The following AMPD2 variants were observed in gnomAD, a reference collection of about 807,000 sequenced individuals.
AMPD2 encodes the protein AMP deaminase 2.
AMPD2 carries 52 observed loss-of-function variants against 91.3 expected under a neutral mutation model. That is an observed-to-expected ratio of 0.57 (90% CI 0.46 to 0.72). The LOEUF is 0.72. Ranked by LOEUF, AMPD2 falls within the 30% of genes least tolerant of loss-of-function variation. The probability of loss-of-function intolerance (pLI) is 0.00; values close to 1 mark genes in which losing one functional copy is unlikely to be tolerated. For synonymous variants in AMPD2, 455 were observed against 456.4 expected (o/e 1.00, Z 0.04); for missense variants, 822 against 1,122.3 (o/e 0.73, Z 3.82).
At chr1:109,627,563 A>G (rs971157966) in intron 9 of AMPD2, 45 bp downstream of exon 9, 2 of 1,607,052 alleles carry the variant, frequency 1.2e-6, no homozygotes. Flanking sequence ...CTCCCAGCCC[A>G]GATTCTCCAG....
intron 8 of AMPD2, 48 bp from the exon 9 acceptor site, chr1:109,627,381 C>G: frequency 6.2e-7 from 1 of 1,613,770 alleles, no homozygotes; most frequent in Non-Finnish European, 8.5e-7. Context: ...TTGGGAGAGG[C>G]CACAGGGCTC....
rs1286616242 is a variant in AMPD2, at chr1:109,628,821, A to T, written c.1571+15A>T. 1 of 1,551,820 alleles carries T rather than the reference A, an allele frequency of 6.4e-7. No homozygotes were observed. The highest frequency in any genetic ancestry group is 1.4e-5 in the African/African-American group (1 of 73,132). ...CCCCGCCTCTTGTGAGTGTCCCTGG[A>T]GTGGGAGGGGAACCTGCGGGGTCAT... On this transcript the variant is annotated intron_variant, in intron 13 of 18. Coordinates refer to ENST00000528667, the MANE Select transcript of AMPD2 (RefSeq NM_001368809.2). The surrounding 1 kb of genome is among the most constrained non-coding windows in gnomAD (Gnocchi z 7.1).
Position 109,630,316 on chromosome 1 carries a change from C to G in AMPD2, c.2067C>G (p.Ser689Arg). Reference sequence around the variant, plus strand: ...TCAGCAACAACAGCCTCTTCCTCAGCTATCACCGGAATCCGCTACCGGAGT... The same window carrying G: ...TCAGCAACAACAGCCTCTTCCTCAGGTATCACCGGAATCCGCTACCGGAGT... ...SPLSNNSLFL[S>R]YHRNPLPEYL... Residue 689 changes from serine to arginine, a missense_variant, in exon 17 of 19, where the codon AGC becomes AGG. Ser to Arg is a moderately radical substitution (Grantham distance 110, BLOSUM62 -1). Around this residue, in one of 5 missense-constraint regions of AMPD2, gnomAD observed 430 missense variants for 606.0 expected, o/e 0.71. Coordinates refer to ENST00000528667, the MANE Select transcript of AMPD2 (RefSeq NM_001368809.2). The G allele has an allele frequency of 6.2e-7, 1 of 1,614,050 alleles. No homozygotes were observed. Among genetic ancestry groups the G allele is most frequent in the South Asian group, 1.1e-5 (1 of 91,082 alleles).
chr1:109,629,426 C>G lies in AMPD2; in HGVS notation c.1798C>G (p.Pro600Ala). 1 of 1,614,054 alleles carries G rather than the reference C, an allele frequency of 6.2e-7. No homozygotes were observed. Among genetic ancestry groups the G allele is most frequent in the Non-Finnish European group, 8.5e-7 (1 of 1,179,992 alleles). Residue 600 changes from proline (P) to alanine (A), a missense_variant, in exon 15 of 19, where the codon CCA becomes GCA. By Grantham distance (27) the Pro-to-Ala change is conservative. Around this residue, in one of 5 missense-constraint regions of AMPD2, gnomAD observed 430 missense variants for 606.0 expected, o/e 0.71. Transcript: ENST00000528667. ...TGAGGCGTGGGTGGAGGAGGACAAC[C>G]CACCCTATGCCTACTACCTGTACTA... ...LPEAWVEEDNPPYAYYLYYTF... is the reference protein window; with the variant it reads ...LPEAWVEEDNAPYAYYLYYTF...
At position 109,629,500 on chromosome 1, in the gene AMPD2, C is replaced by G; in HGVS notation, c.1862+10C>G. ...TGAACCACCTGCGCAGGTGCCTGCA[C>G]CACCCTGTGTCTGCTTGCTATGCCA... On this transcript the variant is annotated intron_variant, in intron 15 of 18. Coordinates refer to ENST00000528667, the MANE Select transcript of AMPD2 (RefSeq NM_001368809.2). 6.2e-7 allele frequency: 1 copy of G among 1,612,298 alleles called. No homozygotes were observed. The highest frequency in any genetic ancestry group is 1.7e-5 in the Admixed American group (1 of 59,992).
Position 109,625,750 on chromosome 1 carries a change from AGCGGCGGCAGCG to A in AMPD2, c.314_325del (p.Arg105_Arg108del). ...GAGAGCCCCATTGAACAGCTGGAGG[AGCGGCGGCAGCG>A]GCTGGAGCGGCAGATCAGCCAGGAT... On this transcript the variant is annotated inframe_deletion, in exon 4 of 19. Transcript: ENST00000528667. The surrounding 1 kb of genome is among the most constrained non-coding windows in gnomAD (Gnocchi z 4.0). 6.2e-7 allele frequency: 1 copy of A among 1,613,906 alleles called. No homozygotes were observed. Among genetic ancestry groups the A allele is most frequent in the Non-Finnish European group, 8.5e-7 (1 of 1,179,980 alleles).
In AMPD2 at chr1:109,624,157, C is replaced by G. The variant is rs142058911; in HGVS notation, c.92-1146C>G. 7 of 859,356 alleles carry G rather than the reference C, an allele frequency of 8.1e-6. No individual in the cohort carries two copies. In the Admixed American group the frequency reaches 3.1e-4, roughly 38 times the overall value. 53.2% of individuals were successfully genotyped at this position (859,356 alleles called of 1,614,324 possible). On this transcript the variant is annotated intron_variant, in intron 2 of 18. Coordinates refer to ENST00000528667, the MANE Select transcript of AMPD2 (RefSeq NM_001368809.2). The surrounding 1 kb of genome is among the most constrained non-coding windows in gnomAD (Gnocchi z 5.2). ...CTGGATCTGGGGCAGGCCCCTCCCT[C>G]TTCCCTTTGTCCAGCTTTGGGACCA... is the stretch of plus-strand genomic sequence containing the variant.
Position 109,629,786 on chromosome 1 carries a change from T to A in AMPD2, c.1863-10T>A. 1 of 1,579,230 alleles carries A rather than the reference T, an allele frequency of 6.3e-7. No individual in the cohort carries two copies. The highest frequency in any genetic ancestry group is 8.6e-7 in the Non-Finnish European group (1 of 1,159,318). ...GGCTCAGGAGCTGACACTGTCTTCA[T>A]GTCCCCCAGGCAGAGGGGCTTCCAC... On this transcript the variant is annotated splice_polypyrimidine_tract_variant and intron_variant, in intron 15 of 18. Transcript: ENST00000528667.
chr1:109,626,857 A>G lies in AMPD2; in HGVS notation c.663A>G (p.Glu221=). 1 of 1,613,900 alleles carries G rather than the reference A, an allele frequency of 6.2e-7. No individual in the cohort carries two copies. The highest frequency in any genetic ancestry group is 8.5e-7 in the Non-Finnish European group (1 of 1,179,924). Residue 221 remains glutamate (E), a synonymous_variant, in exon 7 of 19, where the codon GAA becomes GAG. Transcript: ENST00000528667. ...GCCGCTACCTGCAGCAGCTGGCTGA[A>G]AAGCCTCTGGAGACCCGGACCTATG... ...TTRRYLQQLA[E]KPLETRTYEQ...
chr1:109,626,828 A>G lies in AMPD2; in HGVS notation c.634A>G (p.Thr212Ala). Residue 212 changes from threonine to alanine, a missense_variant, in exon 7 of 19, where the codon ACC (threonine) becomes GCC (alanine). Physicochemically the swap from Thr to Ala is moderately conservative, Grantham distance 58. This residue lies in a region of AMPD2 where 240 missense variants were observed against 270.3 expected (regional missense o/e 0.89). Transcript: ENST00000528667. ...GTCCCTGCAGAGCTTCTGCCCCACC[A>G]CCCGCCGCTACCTGCAGCAGCTGGC... ...ALSLQSFCPT[T>A]RRYLQQLAEK... 6.2e-7 allele frequency: 1 copy of G among 1,603,372 alleles called. No individual in the cohort carries two copies. Among genetic ancestry groups the G allele is most frequent in the Non-Finnish European group, 8.5e-7 (1 of 1,176,750 alleles).
At position 109,625,937 on chromosome 1, in the gene AMPD2, T is replaced by A; in HGVS notation, c.353+145T>A. Reference sequence around the variant, plus strand: ...TGGGCTTTGGAGTCGGGCTGCTGGGTTCTGTTCTGTCTTCTAGCCGCCGGT... The same window carrying A: ...TGGGCTTTGGAGTCGGGCTGCTGGGATCTGTTCTGTCTTCTAGCCGCCGGT... On this transcript the variant is annotated intron_variant, in intron 4 of 18. Transcript: ENST00000528667. The surrounding 1 kb of genome is among the most constrained non-coding windows in gnomAD (Gnocchi z 4.0). The A allele has an allele frequency of 1.5e-6, 2 of 1,351,136 alleles. No homozygotes were observed. The highest frequency in any genetic ancestry group is 2.0e-6 in the Non-Finnish European group (2 of 990,832). 83.7% of individuals were successfully genotyped at this position (1,351,136 alleles called of 1,614,324 possible).
rs765041273 is a variant in AMPD2 at position 109,625,456 on chromosome 1, C to G, written c.222+23C>G. 1.2e-6 allele frequency: 2 copies of G among 1,613,766 alleles called. No individual in the cohort carries two copies. Among genetic ancestry groups the G allele is most frequent in the South Asian group, 2.2e-5 (2 of 91,076 alleles). ...GAGGTATCACCTGGCACCACCCGCA[C>G]CCTCACCCCGTGTCTCCATGCCCTG... On this transcript the variant is annotated intron_variant, in intron 3 of 18. Coordinates refer to ENST00000528667, the MANE Select transcript of AMPD2 (RefSeq NM_001368809.2). The surrounding 1 kb of genome is among the most constrained non-coding windows in gnomAD (Gnocchi z 4.0).
rs1019885081 is a variant in AMPD2, at chr1:109,624,803, A to G, written c.92-500A>G. On this transcript the variant is annotated intron_variant, in intron 2 of 18. Transcript: ENST00000528667. This position sits in a 1 kb window ranked among gnomAD's most constrained non-coding sequence, Gnocchi z 5.2. ...TCAGGCACAGGGCCCTGCCCCTTTG[A>G]GTGGAGAATCTGCTAGTCCAGGGGC... 6.6e-6 allele frequency among the ~76,000 whole-genome samples: 1 copy of G among 151,912 alleles called. No individual in the cohort carries two copies. The highest frequency in any genetic ancestry group is 2.4e-5 in the African/African-American group (1 of 41,354).
rs1357040489 is a variant in AMPD2 at position 109,621,031 on chromosome 1, G to C, written c.-145G>C. 2 of 1,598,828 alleles carry C rather than the reference G, an allele frequency of 1.3e-6. No individual in the cohort carries two copies. The highest frequency in any genetic ancestry group is 1.7e-6 in the Non-Finnish European group (2 of 1,172,986). The stretch of plus-strand genomic sequence containing the variant: ...TAGACAACATGAGAAATCGTGGCCA[G>C]GGCCTCTTCCGCCTGCGGAGCCGCT... On this transcript the variant is annotated 5_prime_UTR_variant, in exon 2 of 19. Transcript: ENST00000528667.
At position 109,625,926 on chromosome 1, in the gene AMPD2, G is replaced by A. The variant is rs970149816; in HGVS notation, c.353+134G>A. On this transcript the variant is annotated intron_variant, in intron 4 of 18. Transcript: ENST00000528667. The surrounding 1 kb of genome is among the most constrained non-coding windows in gnomAD (Gnocchi z 4.0). ...GGAGCATAGAGTGGGCTTTGGAGTC[G>A]GGCTGCTGGGTTCTGTTCTGTCTTC... 5 of 1,398,762 alleles carry A rather than the reference G, an allele frequency of 3.6e-6. No homozygotes were observed. The highest frequency in any genetic ancestry group is 1.4e-5 in the African/African-American group (1 of 69,700). 86.6% of individuals were successfully genotyped at this position (1,398,762 alleles called of 1,614,324 possible). A position where few individuals can be genotyped will look rare whatever the true frequency, so the allele number is the denominator to read the frequency against.
Position 109,625,234 on chromosome 1 carries a change from AG to A in AMPD2, c.92-66del, listed in dbSNP as rs1335814676. ...GGCTCTCTCGGGAGCTGGCCTAGGC[AG>A]GGCAGGGGCCCAGGGCTTTCAGGGG... On this transcript the variant is annotated intron_variant, in intron 2 of 18. Transcript: ENST00000528667. The surrounding 1 kb of genome is among the most constrained non-coding windows in gnomAD (Gnocchi z 4.0). 3.8e-6 allele frequency: 6 copies of A among 1,577,394 alleles called. No homozygotes were observed. The highest frequency in any genetic ancestry group is 5.2e-6 in the Non-Finnish European group (6 of 1,159,706).
chr1:109,628,551 G>A lies in AMPD2; in HGVS notation c.1407+56G>A. The A allele has an allele frequency of 3.7e-6, 6 of 1,612,492 alleles. No individual in the cohort carries two copies. In the Admixed American group the frequency reaches 8.3e-5, roughly 22 times the overall value. Reference sequence around the variant, plus strand: ...GAGCCTGAGGATCTGGGGGCTTTTAGGGGGTGAGACTCAAGGAGGGTAGGC... The same window carrying A: ...GAGCCTGAGGATCTGGGGGCTTTTAAGGGGTGAGACTCAAGGAGGGTAGGC... On this transcript the variant is annotated intron_variant, in intron 12 of 18. Transcript: ENST00000528667. The surrounding 1 kb of genome is among the most constrained non-coding windows in gnomAD (Gnocchi z 7.1).
chr1:109,621,698 G>T (rs1443743156), intron 2 of AMPD2, among the ~76,000 whole-genome samples: 1 of 152,138 alleles, frequency 6.6e-6, no homozygotes, highest in African/African-American at 2.4e-5. Context: ...CACTTTTTAG[G>T]ACCCCACATC....
In AMPD2 at chr1:109,620,496, T is replaced by G. The variant is rs1440584917; in HGVS notation, c.-263+218T>G. The G allele has an allele frequency of 7.6e-6, 9 of 1,190,266 alleles. No homozygotes were observed. In the East Asian group the frequency reaches 2.3e-4, roughly 31 times the overall value. The allele number at this position is 1,190,266 out of a possible 1,614,324, so 73.7% of individuals were successfully genotyped here. A position where few individuals can be genotyped will look rare whatever the true frequency, so the allele number is the denominator to read the frequency against. ...TGTCCCAGACCCCCAGACAAGGGGGTCTCCTGGCCTTCCTGCCTTCCTGGG... is the reference window on the plus strand; with the variant it reads ...TGTCCCAGACCCCCAGACAAGGGGGGCTCCTGGCCTTCCTGCCTTCCTGGG... On this transcript the variant is annotated intron_variant, in intron 1 of 18. Coordinates refer to ENST00000528667, the MANE Select transcript of AMPD2 (RefSeq NM_001368809.2).
Sources: allele counts gnomAD v4.1 joint callset (sites outside exome capture counted in the v4.1 genomes callset), GRCh38; gene constraint gnomAD v4.1.1; regional missense constraint gnomAD v4.1.1; non-coding constraint Gnocchi (gnomAD v3.1); transcripts MANE v1.5; gene names NCBI Gene and HGNC (gene_info 2026-07-23, HGNC 2026-07-21).